PARK7: variants seen among roughly 807,000 people sequenced by gnomAD.
PARK7 encodes Parkinsonism associated deglycase.
Under a neutral mutation model 20.5 loss-of-function variants are expected in PARK7, and 14 were observed. That is an observed-to-expected ratio of 0.68 (90% CI 0.45 to 1.07). The LOEUF (loss-of-function observed/expected upper bound fraction) is 1.07, where lower values mean the gene tolerates loss of function less well. PARK7 is among the 50% of genes least tolerant of loss of function. The pLI, the probability that PARK7 is intolerant of heterozygous loss-of-function variation, is 0.00. For synonymous variants in PARK7, 98 were observed against 84.3 expected (o/e 1.16, Z -0.89); for missense variants, 234 against 238.1 (o/e 0.98, Z 0.11).
At chr1:7,961,946 C>G (rs929255413) in intron 1 of PARK7, 153 bp downstream of exon 1, 2 of 152,358 alleles carry the variant, frequency 1.3e-5, no homozygotes, top group East Asian at 3.8e-4. Flanking sequence ...GCCTCCCAGT[C>G]GGGCCCTGTC....
intron 6 of PARK7, among the ~76,000 whole-genome samples, chr1:7,978,904 C>T (rs1302802704): frequency 6.6e-6 from 1 of 150,660 alleles, no homozygotes; most frequent in Non-Finnish European, 1.5e-5. Context: ...ATCACATACT[C>T]ATTATCCTTT....
At chr1:7,979,139 C>G (rs1366869243) in intron 6 of PARK7, among the ~76,000 whole-genome samples, 1 of 152,172 alleles carries the variant, frequency 6.6e-6, no homozygotes, top group East Asian at 1.9e-4. Flanking sequence ...CCCTTGTAAA[C>G]CATGCCATAA....
intron 2 of PARK7, among the ~76,000 whole-genome samples, chr1:7,964,421 T>C (rs1640283402): frequency 6.6e-6 from 1 of 152,160 alleles, no homozygotes; most frequent in South Asian, 2.1e-4. Context: ...ACTCCTCTGG[T>C]TCTCAGAAAT....
chr1:7,979,891 T>C (rs1640674194), intron 6 of PARK7, among the ~76,000 whole-genome samples: 1 of 152,228 alleles, frequency 6.6e-6, no homozygotes, highest in Admixed American at 6.5e-5. Flanking sequence ...ATGCAGTGAC[T>C]CACGCCTGTA....
intron 2 of PARK7, among the ~76,000 whole-genome samples, chr1:7,964,101 C>T (rs746678218): frequency 4.6e-5 from 7 of 152,194 alleles, no homozygotes; most frequent in Non-Finnish European, 8.8e-5. Context: ...ATGTGAGCTA[C>T]TGCACCCGCC....
At chr1:7,979,014 A>G (rs913236777) in intron 6 of PARK7, among the ~76,000 whole-genome samples, 5 of 152,018 alleles carry the variant, frequency 3.3e-5, no homozygotes, top group Non-Finnish European at 7.4e-5. Flanking sequence ...CAGCACATGT[A>G]GATTTAGATT....
intron 6 of PARK7, among the ~76,000 whole-genome samples, chr1:7,978,894 A>G (rs1027341817): frequency 4.6e-5 from 7 of 151,020 alleles, no homozygotes; most frequent in Admixed American, 2.6e-4. Flanking sequence ...AATTTTATCT[A>G]TCACATACTC....
intron 6 of PARK7, among the ~76,000 whole-genome samples, chr1:7,979,765 G>A (rs560373026): frequency 6.6e-6 from 1 of 152,278 alleles, no homozygotes; most frequent in South Asian, 2.1e-4. Flanking sequence ...GCCTCCCAAA[G>A]TACTAGGATT....
chr1:7,982,476 C>T (rs752988432), intron 6 of PARK7, among the ~76,000 whole-genome samples: 2 of 152,190 alleles, frequency 1.3e-5, no homozygotes, highest in African/African-American at 4.8e-5. Context: ...GTTCTGTCTT[C>T]GCCACTAGGT....
chr1:7,984,196 G>A lies in PARK7; in HGVS notation c.410-698G>A, dbSNP rs570470467. ...TATACAGTAAGGGAAGCTCCAGGTG[G>A]GAGAGTGATAGGGATGGGTGTGGGG... On this transcript the variant is annotated intron_variant, in intron 6 of 6. Coordinates refer to ENST00000338639, the MANE Select transcript of PARK7 (RefSeq NM_007262.5). The surrounding 1 kb of genome is among the most constrained non-coding windows in gnomAD (Gnocchi z 4.3). 3.9e-5 allele frequency among the ~76,000 whole-genome samples: 6 copies of A among 152,272 alleles called. No individual in the cohort carries two copies. The East Asian group carries it at 7.7e-4, about 20-fold the overall frequency.
rs1267020704 is a variant in PARK7 at position 7,984,770 on chromosome 1, G to GT, written c.410-119dup. The stretch of plus-strand genomic sequence containing the variant: ...TAAGAGCTTGGAGTGCCTAGTAAAT[G>GT]TTTTTGAATGGTTAGCTACAGTGTT... On this transcript the variant is annotated intron_variant, in intron 6 of 6. Coordinates refer to ENST00000338639, the MANE Select transcript of PARK7 (RefSeq NM_007262.5). The surrounding 1 kb of genome is among the most constrained non-coding windows in gnomAD (Gnocchi z 4.3). The GT allele has an allele frequency of 8.2e-7, 1 of 1,225,212 alleles. No homozygotes were observed. Among genetic ancestry groups the GT allele is most frequent in the Non-Finnish European group, 1.2e-6 (1 of 843,694 alleles). 75.9% of individuals were successfully genotyped at this position (1,225,212 alleles called of 1,614,324 possible). A position where few individuals can be genotyped will look rare whatever the true frequency, so the allele number is the denominator to read the frequency against.
At chr1:7,974,628 C>CAA (rs1341432263) in intron 5 of PARK7, among the ~76,000 whole-genome samples, 4 of 132,672 alleles carry the variant, frequency 3.0e-5, no homozygotes, top group Admixed American at 7.7e-5. Context: ...GACTCCATCT[C>CAA]AAAAAAAAAA....
intron 4 of PARK7, among the ~76,000 whole-genome samples, chr1:7,969,914 GGTGCA>G (rs1300559968): frequency 1.3e-5 from 2 of 152,198 alleles, no homozygotes; most frequent in Non-Finnish European, 2.9e-5. Flanking sequence ...ATGGAGGTCA[GGTGCA>G]GTGGCTCAAC....
In PARK7 at chr1:7,969,271, A is replaced by G. The variant is rs926477784; in HGVS notation, c.193-74A>G. On this transcript the variant is annotated intron_variant, in intron 3 of 6. Coordinates refer to ENST00000338639, the MANE Select transcript of PARK7 (RefSeq NM_007262.5). ...CTTCCCACATTTAAAATAGGAAAGT[A>G]TTATTGGACTGTCAATTTAATGCAC... is the stretch of plus-strand genomic sequence containing the variant. The G allele has an allele frequency of 2.5e-6, 3 of 1,207,818 alleles. No homozygotes were observed. The African/African-American group carries it at 4.5e-5, about 18-fold the overall frequency. 74.8% of individuals were successfully genotyped at this position (1,207,818 alleles called of 1,614,324 possible). A position where few individuals can be genotyped will look rare whatever the true frequency, so the allele number is the denominator to read the frequency against.
intron 6 of PARK7, among the ~76,000 whole-genome samples, chr1:7,982,343 TAAAG>T (rs1215286252): frequency 1.3e-5 from 2 of 151,920 alleles, no homozygotes; most frequent in Non-Finnish European, 2.9e-5. Context: ...TTAAAAAAAA[TAAAG>T]AAATAAAAAT....
At chr1:7,969,448 G>A (rs543441690) in intron 4 of PARK7, 44 bp downstream of exon 4, 12 of 839,874 alleles carry the variant, frequency 1.4e-5, no homozygotes, top group East Asian at 7.5e-5. Context: ...GCTGGGGGGG[G>A]GGAAAAACTA....
At position 7,984,646 on chromosome 1, in the gene PARK7, G is replaced by A. The variant is rs544274902; in HGVS notation, c.410-248G>A. Among the ~76,000 whole-genome samples the A allele has an allele frequency of 5.9e-5, 9 of 152,324 alleles. 1 individual carries two copies. In the South Asian group the frequency reaches 1.9e-3, roughly 32 times the overall value. On this transcript the variant is annotated intron_variant, in intron 6 of 6. Coordinates refer to ENST00000338639, the MANE Select transcript of PARK7 (RefSeq NM_007262.5). This position sits in a 1 kb window ranked among gnomAD's most constrained non-coding sequence, Gnocchi z 4.3. ...ATCTCCCCCAACACTTAAAGTCTTA[G>A]CAGCTGCATTTAACTCACGCATATT...
chr1:7,974,642 T>A (rs1284260842), intron 5 of PARK7, among the ~76,000 whole-genome samples: 5 of 149,924 alleles, frequency 3.3e-5, no homozygotes, highest in Non-Finnish European at 5.9e-5. Flanking sequence ...AAAAAAAAAA[T>A]TATATAAAAA....
intron 3 of PARK7, 83 bp from the exon 4 acceptor site, chr1:7,969,262 T>C: frequency 8.9e-7 from 1 of 1,119,600 alleles, no homozygotes; most frequent in East Asian, 2.4e-5. Context: ...ACATTTAAAA[T>C]AGGAAAGTAT....
Sources: allele counts gnomAD v4.1 joint callset (sites outside exome capture counted in the v4.1 genomes callset), GRCh38; gene constraint gnomAD v4.1.1; non-coding constraint Gnocchi (gnomAD v3.1); transcripts MANE v1.5; gene names NCBI Gene and HGNC (gene_info 2026-07-23, HGNC 2026-07-21).